The following MTCL2 variants were observed in gnomAD, a reference collection of about 807,000 sequenced individuals.
MTCL2 encodes the protein microtubule crosslinking factor 2.
At chr20:36,844,313 T>C in the MTCL2 span, among the ~76,000 whole-genome samples, 1 of 151,538 alleles carries the variant, frequency 6.6e-6, no homozygotes, top group African/African-American at 2.4e-5. Context: ...CCCAGCACTC[T>C]GAGAGGCTGA....
the MTCL2 span, among the ~76,000 whole-genome samples, chr20:36,801,942 C>T: frequency 8.0e-5 from 12 of 150,860 alleles, no homozygotes; most frequent in African/African-American, 1.7e-4. Flanking sequence ...CCAGCCTGGG[C>T]GACAGAGTAA....
chr20:36,861,441 T>A, the MTCL2 span, among the ~76,000 whole-genome samples: 1 of 152,142 alleles, frequency 6.6e-6, no homozygotes, highest in Non-Finnish European at 1.5e-5. Flanking sequence ...GAACTCAGGC[T>A]GGAGAGCAGA....
At chr20:36,784,741 G>A in the MTCL2 span, 8 of 985,576 alleles carry the variant, frequency 8.1e-6, no homozygotes, top group East Asian at 1.1e-4. Context: ...GAGGAAGGGC[G>A]GGCAGCAGAG....
chr20:36,854,029 T>C, the MTCL2 span, among the ~76,000 whole-genome samples: 1 of 152,048 alleles, frequency 6.6e-6, no homozygotes, highest in Non-Finnish European at 1.5e-5. Context: ...CTGAGGTCTT[T>C]AGGGATAGAA....
the MTCL2 span, among the ~76,000 whole-genome samples, chr20:36,824,683 C>T: frequency 4.0e-4 from 60 of 150,180 alleles, no homozygotes; most frequent in African/African-American, 1.3e-3. Context: ...GACAGGGTCT[C>T]GCTCTGTCAC....
the MTCL2 span, among the ~76,000 whole-genome samples, chr20:36,829,939 C>T: frequency 1.3e-5 from 2 of 151,992 alleles, no homozygotes; most frequent in East Asian, 1.9e-4. Context: ...GCAGAGGCTG[C>T]GGTGAGCCAA....
At chr20:36,808,627 C>T in the MTCL2 span, 1 of 1,612,428 alleles carries the variant, frequency 6.2e-7, no homozygotes. Flanking sequence ...GCTGGGACTC[C>T]TGCACCAGCA....
the MTCL2 span, among the ~76,000 whole-genome samples, chr20:36,792,839 G>T: frequency 2.5e-3 from 323 of 129,698 alleles, 2 homozygotes; most frequent in African/African-American, 8.4e-3. Flanking sequence ...TAGATATATA[G>T]ATAGATAGAT....
the MTCL2 span, among the ~76,000 whole-genome samples, chr20:36,787,418 G>A: frequency 6.6e-6 from 1 of 151,712 alleles, no homozygotes; most frequent in African/African-American, 2.4e-5. Context: ...AGTAGAGAGG[G>A]GATTTTAGCA....
At chr20:36,793,046 A>G in the MTCL2 span, among the ~76,000 whole-genome samples, 9 of 152,176 alleles carry the variant, frequency 5.9e-5, no homozygotes, top group Non-Finnish European at 1.2e-4. The surrounding 1 kb of genome is among the most constrained non-coding windows in gnomAD (Gnocchi z 6.8). Context: ...CTGGGACAAC[A>G]GGTGCATGCC....
chr20:36,818,761 A>C, the MTCL2 span, among the ~76,000 whole-genome samples: 40 of 152,390 alleles, frequency 2.6e-4, no homozygotes, highest in African/African-American at 9.4e-4. Context: ...ACAAACTCTG[A>C]AAAAATATCT....
chr20:36,856,343 T>C, the MTCL2 span, among the ~76,000 whole-genome samples: 1 of 152,188 alleles, frequency 6.6e-6, no homozygotes. Context: ...TCTAGCCACC[T>C]CTACCCTTGC....
chr20:36,861,714 G>A, the MTCL2 span, among the ~76,000 whole-genome samples: 1 of 152,324 alleles, frequency 6.6e-6, no homozygotes, highest in Admixed American at 6.5e-5. Flanking sequence ...AGCTCAGGAA[G>A]CTTCCAGCCT....
chr20:36,834,109 G>A, the MTCL2 span, among the ~76,000 whole-genome samples: 1 of 149,996 alleles, frequency 6.7e-6, no homozygotes, highest in African/African-American at 2.5e-5. Flanking sequence ...GTTGCAGTGA[G>A]CAGCGATCAC....
At chr20:36,792,990 C>T in the MTCL2 span, among the ~76,000 whole-genome samples, 9 of 152,124 alleles carry the variant, frequency 5.9e-5, no homozygotes, top group Non-Finnish European at 1.2e-4. Context: ...CTGCAACTTC[C>T]GCCTACTGGG....
the MTCL2 span, among the ~76,000 whole-genome samples, chr20:36,858,738 T>C: frequency 2.6e-5 from 4 of 152,140 alleles, no homozygotes; most frequent in Admixed American, 6.5e-5. Flanking sequence ...TATTCACACT[T>C]CCCTGATTCC....
chr20:36,807,865 CTTTTTTTTT>C, the MTCL2 span, among the ~76,000 whole-genome samples: 42 of 53,538 alleles, frequency 7.8e-4, no homozygotes, highest in East Asian at 1.6e-3. Context: ...GAAACCCTGT[CTTTTTTTTT>C]TTTTTTTTTT....
the MTCL2 span, chr20:36,785,299 T>G: frequency 2.0e-6 from 2 of 985,444 alleles, no homozygotes; most frequent in Non-Finnish European, 1.2e-6. Context: ...AGAGGCCTCA[T>G]GTTGTCCCAG....
the MTCL2 span, chr20:36,794,469 C>G: frequency 2.5e-6 from 4 of 1,614,042 alleles, no homozygotes; most frequent in Non-Finnish European, 3.4e-6. The surrounding 1 kb of genome is among the most constrained non-coding windows in gnomAD (Gnocchi z 5.4). Context: ...TCTGGATCCC[C>G]TGGCTCGGAG....
Sources: allele counts gnomAD v4.1 joint callset (sites outside exome capture counted in the v4.1 genomes callset), GRCh38; gene constraint gnomAD v4.1.1; non-coding constraint Gnocchi (gnomAD v3.1); transcripts MANE v1.5; gene names NCBI Gene and HGNC (gene_info 2026-07-23, HGNC 2026-07-21).